The following FSTL5 variants were observed in gnomAD, a reference collection of about 807,000 sequenced individuals.
FSTL5 encodes the protein follistatin like 5.
Under a neutral mutation model 89.1 loss-of-function variants are expected in FSTL5, and 62 were observed. The observed-to-expected ratio is 0.70, with a 90% CI of 0.57 to 0.86. The LOEUF (loss-of-function observed/expected upper bound fraction) is 0.86. Among genes scored for constraint, FSTL5 ranks in the 40% least tolerant of loss-of-function variants. The pLI, the probability that FSTL5 is intolerant of heterozygous loss-of-function variation, is 0.00. For synonymous variants in FSTL5, 383 were observed against 346.2 expected, an observed-to-expected ratio of 1.11 and a Z score of -1.18; for missense variants, 1,057 against 1,001.6, an observed-to-expected ratio of 1.06 and a Z score of -0.75.
chr4:162,004,018 C>T (rs1736539634), intron 3 of FSTL5, among the ~76,000 whole-genome samples: 1 of 152,130 alleles, frequency 6.6e-6, no homozygotes, highest in African/African-American at 2.4e-5. Context: ...ATGTTGTTTT[C>T]ATCATTTTCT....
At chr4:162,026,287 G>GAC in intron 3 of FSTL5, among the ~76,000 whole-genome samples, 1 of 60,526 alleles carries the variant, frequency 1.7e-5, no homozygotes, top group South Asian at 5.5e-4. Flanking sequence ...TATTTCAGGA[G>GAC]ACAGCTTATG....
At chr4:161,597,330 C>A (rs1188134149) in intron 7 of FSTL5, among the ~76,000 whole-genome samples, 4 of 151,868 alleles carry the variant, frequency 2.6e-5, no homozygotes, top group African/African-American at 4.8e-5. Context: ...TGTCAAAGAT[C>A]AGATAGTTGT....
At chr4:162,147,996 ACT>A (rs1344815734) in intron 1 of FSTL5, among the ~76,000 whole-genome samples, 1 of 152,024 alleles carries the variant, frequency 6.6e-6, no homozygotes, top group Non-Finnish European at 1.5e-5. Flanking sequence ...CAAGAGCGAA[ACT>A]CTGCCTCCAA....
At chr4:161,553,260 A>G (rs894805668) in intron 8 of FSTL5, among the ~76,000 whole-genome samples, 6 of 151,414 alleles carry the variant, frequency 4.0e-5, no homozygotes, top group East Asian at 1.9e-4. Flanking sequence ...TAAACATCAA[A>G]TAATTTATTA....
At chr4:161,623,962 A>C (rs531795806) in intron 7 of FSTL5, among the ~76,000 whole-genome samples, 1 of 152,108 alleles carries the variant, frequency 6.6e-6, no homozygotes, top group South Asian at 2.1e-4. Context: ...TTAGCAGTTA[A>C]ATTTGCAAGG....
At chr4:161,706,529 TTTC>T (rs922100962) in intron 6 of FSTL5, among the ~76,000 whole-genome samples, 1 of 152,054 alleles carries the variant, frequency 6.6e-6, no homozygotes, top group Non-Finnish European at 1.5e-5. Flanking sequence ...CGAATGCTTT[TTTC>T]ATTAGGATAA....
chr4:161,653,237 A>G (rs1023668840), intron 7 of FSTL5, among the ~76,000 whole-genome samples: 1 of 152,190 alleles, frequency 6.6e-6, no homozygotes, highest in Non-Finnish European at 1.5e-5. Flanking sequence ...CCCAAGGCAC[A>G]TACTGAAATT....
At chr4:161,711,239 A>G (rs1358253398) in intron 6 of FSTL5, among the ~76,000 whole-genome samples, 1 of 152,058 alleles carries the variant, frequency 6.6e-6, no homozygotes, top group Non-Finnish European at 1.5e-5. Context: ...AAAATGTTTT[A>G]ATAAGATCAA....
chr4:162,015,565 TA>T (rs770436894), intron 3 of FSTL5, among the ~76,000 whole-genome samples: 53 of 152,132 alleles, frequency 3.5e-4, no homozygotes, highest in African/African-American at 6.0e-4. Flanking sequence ...TGTAATGGGA[TA>T]TGGGGGGTGA....
chr4:161,505,037 T>G (rs1435428965), intron 11 of FSTL5, among the ~76,000 whole-genome samples: 1 of 152,096 alleles, frequency 6.6e-6, no homozygotes, highest in African/African-American at 2.4e-5. Context: ...AGTGATTTGG[T>G]AGCCAATCAA....
At chr4:161,931,652 A>G (rs1480411422) in intron 3 of FSTL5, among the ~76,000 whole-genome samples, 1 of 151,884 alleles carries the variant, frequency 6.6e-6, no homozygotes, top group East Asian at 1.9e-4. Context: ...CAAATGAATA[A>G]ACTGGTGGTC....
chr4:161,560,199 T>A (rs1004413198), intron 8 of FSTL5, among the ~76,000 whole-genome samples: 4 of 151,848 alleles, frequency 2.6e-5, no homozygotes, highest in African/African-American at 4.8e-5. Context: ...TATTTATATA[T>A]CTAAACATAT....
chr4:161,765,340 T>A (rs776403150), intron 5 of FSTL5, among the ~76,000 whole-genome samples: 2 of 152,216 alleles, frequency 1.3e-5, no homozygotes, highest in African/African-American at 4.8e-5. Context: ...TGCTTATTTA[T>A]TTGTATTTAC....
At position 161,736,180 on chromosome 4, in the gene FSTL5, T is replaced by C. The variant is rs143091790; in HGVS notation, c.727+23231A>G. On this transcript the variant is annotated intron_variant, in intron 6 of 15. Coordinates refer to ENST00000306100, the MANE Select transcript of FSTL5 (RefSeq NM_020116.5). ...CAACATTTGTAACTGCACATTTGATTACAGAATGTTATTTTCTTACAATTA... is the reference window on the plus strand; with the variant it reads ...CAACATTTGTAACTGCACATTTGATCACAGAATGTTATTTTCTTACAATTA... 5.0e-3 allele frequency among the ~76,000 whole-genome samples: 756 copies of C among 152,278 alleles called. 5 individuals carry two copies. The highest frequency in any genetic ancestry group is 0.016 in the African/African-American group (674 of 41,576).
intron 8 of FSTL5, among the ~76,000 whole-genome samples, chr4:161,586,961 T>A (rs995536855): frequency 6.6e-6 from 1 of 152,184 alleles, no homozygotes; most frequent in Non-Finnish European, 1.5e-5. Flanking sequence ...AACTAAAATT[T>A]GAATTAAATC....
At chr4:161,837,886 A>C (rs935480365) in intron 4 of FSTL5, among the ~76,000 whole-genome samples, 1 of 152,144 alleles carries the variant, frequency 6.6e-6, no homozygotes, top group Admixed American at 6.6e-5. Context: ...CTCTATTTAT[A>C]AAATATATAT....
intron 2 of FSTL5, among the ~76,000 whole-genome samples, chr4:162,063,050 A>G (rs1040543486): frequency 1.1e-4 from 16 of 151,788 alleles, no homozygotes; most frequent in African/African-American, 3.6e-4. Flanking sequence ...TGAATACCTT[A>G]TCTCAATATC....
At chr4:161,906,636 G>A (rs1251043799) in intron 4 of FSTL5, among the ~76,000 whole-genome samples, 1 of 152,036 alleles carries the variant, frequency 6.6e-6, no homozygotes, top group Non-Finnish European at 1.5e-5. Context: ...CTGAAGTGAG[G>A]GAGGGATTTG....
chr4:161,970,006 G>A (rs1735437222), intron 3 of FSTL5, among the ~76,000 whole-genome samples: 1 of 152,054 alleles, frequency 6.6e-6, no homozygotes, highest in Admixed American at 6.6e-5. Flanking sequence ...CCAGACCCTT[G>A]TGTTCTGGGC....
Sources: gnomAD v4.1 joint callset for allele counts (sites outside exome capture counted in the v4.1 genomes callset) on GRCh38, gnomAD v4.1.1 for gene constraint, MANE v1.5 for transcripts, NCBI Gene and HGNC (gene_info 2026-07-23, HGNC 2026-07-21) for gene names.